SCMH1: variants seen among roughly 807,000 people sequenced by gnomAD.
SCMH1 encodes polycomb protein SCMH1.
Under a neutral mutation model 70.8 loss-of-function variants are expected in SCMH1, and 37 were observed. The observed-to-expected ratio is 0.52, with a 90% confidence interval of 0.40 to 0.69. SCMH1 has a LOEUF of 0.69. Ranked by LOEUF, SCMH1 falls within the 30% of genes least tolerant of loss-of-function variation. SCMH1 has a pLI of 0.00. For synonymous variants in SCMH1, 292 were observed against 307.4 expected (o/e 0.95, Z 0.52); for missense variants, 607 against 827.3 (o/e 0.73, Z 3.27).
chr1:41,042,680 T>A (rs1307303498), intron 12 of SCMH1, among the ~76,000 whole-genome samples: 1 of 152,130 alleles, frequency 6.6e-6, no homozygotes, highest in African/African-American at 2.4e-5. Flanking sequence ...TCCTTGCTCA[T>A]CATGCTTTGC....
chr1:41,239,390 C>A (rs1663042952), intron 1 of SCMH1, among the ~76,000 whole-genome samples: 1 of 152,234 alleles, frequency 6.6e-6, no homozygotes, highest in Non-Finnish European at 1.5e-5. Context: ...GATATCATCT[C>A]TTCCCAAAGC....
chr1:41,096,486 C>T (rs1378560962), intron 8 of SCMH1, among the ~76,000 whole-genome samples: 1 of 152,140 alleles, frequency 6.6e-6, no homozygotes, highest in Non-Finnish European at 1.5e-5. Flanking sequence ...GAGATCAGTC[C>T]GGCACTGGCT....
At chr1:41,225,648 C>G (rs983243278) in intron 1 of SCMH1, among the ~76,000 whole-genome samples, 1 of 152,156 alleles carries the variant, frequency 6.6e-6, no homozygotes, top group Non-Finnish European at 1.5e-5. Flanking sequence ...TTGGAGAATG[C>G]ATCGTATCCC....
intron 1 of SCMH1, among the ~76,000 whole-genome samples, chr1:41,214,868 G>A (rs1003935676): frequency 1.3e-5 from 2 of 152,156 alleles, no homozygotes; most frequent in African/African-American, 4.8e-5. Flanking sequence ...AATATAAAGT[G>A]TTTGAAAATG....
intron 9 of SCMH1, 133 bp from the exon 10 acceptor site, chr1:41,070,854 A>G: frequency 9.0e-7 from 1 of 1,110,338 alleles, no homozygotes; most frequent in Non-Finnish European, 1.3e-6. Context: ...TTCTCTACAC[A>G]GCATCTGGCT....
chr1:41,131,275 A>G (rs549882628), intron 6 of SCMH1, among the ~76,000 whole-genome samples: 34 of 152,292 alleles, frequency 2.2e-4, no homozygotes, highest in Non-Finnish European at 3.7e-4. Flanking sequence ...CAGAACCACA[A>G]TGTCTTCAGT....
chr1:41,168,209 T>C (rs1216065591), intron 2 of SCMH1, among the ~76,000 whole-genome samples: 1 of 152,176 alleles, frequency 6.6e-6, no homozygotes, highest in Non-Finnish European at 1.5e-5. Flanking sequence ...GGAAGTTTTC[T>C]GACATAATTT....
chr1:41,136,312 A>C lies in SCMH1; in HGVS notation c.412+6566T>G, dbSNP rs567636335. Among the ~76,000 whole-genome samples, 10 of 151,360 alleles carry C rather than the reference A, an allele frequency of 6.6e-5. No individual in the cohort carries two copies. The East Asian group carries it at 2.0e-3, about 30-fold the overall frequency. On this transcript the variant is annotated intron_variant, in intron 6 of 14. Coordinates refer to ENST00000337495, the Ensembl canonical transcript of SCMH1. ...TTAATTTTGACAAATAGTATTTCCTACTTCAACCTAACTTTTCAAATTTAT... is the reference window on the plus strand; with the variant it reads ...TTAATTTTGACAAATAGTATTTCCTCCTTCAACCTAACTTTTCAAATTTAT...
intron 10 of SCMH1, among the ~76,000 whole-genome samples, chr1:41,062,317 G>T (rs1652955977): frequency 6.6e-6 from 1 of 151,864 alleles, no homozygotes; most frequent in African/African-American, 2.4e-5. Flanking sequence ...AAAATATTTG[G>T]AAATGGCCAA....
chr1:41,211,289 G>T (rs189177154), intron 1 of SCMH1, among the ~76,000 whole-genome samples: 96 of 152,194 alleles, frequency 6.3e-4, no homozygotes, highest in Middle Eastern at 3.4e-3. Context: ...CTAATATACA[G>T]AATCTATGAA....
At chr1:41,076,735 G>C (rs1203702219) in intron 8 of SCMH1, among the ~76,000 whole-genome samples, 1 of 152,174 alleles carries the variant, frequency 6.6e-6, no homozygotes, top group East Asian at 1.9e-4. Context: ...TCTGAGACAG[G>C]AACATGTTAG....
At chr1:41,045,555 G>A (rs771438699) in intron 12 of SCMH1, among the ~76,000 whole-genome samples, 2 of 152,176 alleles carry the variant, frequency 1.3e-5, no homozygotes, top group African/African-American at 2.4e-5. Flanking sequence ...ACTTGTTTGT[G>A]TAGAGGAAGG....
chr1:41,037,615 T>C, intron 12 of SCMH1, 74 bp from the exon 13 acceptor site: 2 of 1,347,208 alleles, frequency 1.5e-6, no homozygotes, highest in Non-Finnish European at 2.1e-6. Flanking sequence ...CCTGTTTGAG[T>C]GGAGCAAGCA....
At chr1:41,154,700 G>C (rs533731690) in intron 4 of SCMH1, among the ~76,000 whole-genome samples, 119 of 152,154 alleles carry the variant, frequency 7.8e-4, no homozygotes, top group Middle Eastern at 3.4e-3. Context: ...TTCATCCTTG[G>C]GCTCAGAGAT....
intron 5 of SCMH1, among the ~76,000 whole-genome samples, chr1:41,149,106 G>A (rs1307517032): frequency 6.6e-6 from 1 of 151,896 alleles, no homozygotes; most frequent in Admixed American, 6.6e-5. Context: ...TTTTAATTTT[G>A]GAAAAATTTT....
intron 1 of SCMH1, among the ~76,000 whole-genome samples, chr1:41,201,597 C>T (rs2148726169): frequency 6.6e-6 from 1 of 152,288 alleles, no homozygotes; most frequent in East Asian, 1.9e-4. Flanking sequence ...ATTGCCTTGA[C>T]ACTCATTTCT....
At chr1:41,079,959 G>A (rs1187655769) in intron 8 of SCMH1, among the ~76,000 whole-genome samples, 2 of 151,996 alleles carry the variant, frequency 1.3e-5, no homozygotes, top group African/African-American at 2.4e-5. Flanking sequence ...CATGCAATGA[G>A]TTATTCCTAA....
chr1:41,103,696 A>G (rs1374198120), intron 8 of SCMH1, among the ~76,000 whole-genome samples: 1 of 152,178 alleles, frequency 6.6e-6, no homozygotes, highest in Non-Finnish European at 1.5e-5. Flanking sequence ...GAGAGATGCC[A>G]ATTGTTTCAT....
At chr1:41,070,614 T>C in exon 10 of SCMH1, 1 of 1,614,058 alleles carries the variant, frequency 6.2e-7, no homozygotes. Context: ...CCTGCATGGC[T>C]GAGCTGGGGA....
Sources: allele counts gnomAD v4.1 joint callset (sites outside exome capture counted in the v4.1 genomes callset), GRCh38; gene constraint gnomAD v4.1.1; transcripts MANE v1.5; gene names NCBI Gene and HGNC (gene_info 2026-07-23, HGNC 2026-07-21).